The following NBAS variants were observed in gnomAD, a reference collection of about 807,000 sequenced individuals.
NBAS encodes NBAS subunit of NRZ tethering complex, also known as NAG/BC035112 fusion.
A neutral mutation model predicts 302.5 loss-of-function variants in NBAS; 219 were observed. That is an observed-to-expected ratio of 0.72 (90% CI 0.65 to 0.81). The LOEUF (loss-of-function observed/expected upper bound fraction) is 0.81. Ranked by LOEUF, NBAS falls within the 30% of genes least tolerant of loss-of-function variation. The pLI is 0.00. For missense variants in NBAS, 2,932 were observed against 2,841.6 expected, an observed-to-expected ratio of 1.03 and a Z score of -0.72; for synonymous variants, 1,118 against 1,021.6, an observed-to-expected ratio of 1.09 and a Z score of -1.80.
At chr2:15,160,879 G>A in the NBAS span, among the ~76,000 whole-genome samples, 1 of 152,194 alleles carries the variant, frequency 6.6e-6, no homozygotes, top group African/African-American at 2.4e-5. Context: ...GATGATAAAA[G>A]TTCTATTTCA....
At chr2:14,876,193 T>C in the NBAS span, among the ~76,000 whole-genome samples, 76 of 152,362 alleles carry the variant, frequency 5.0e-4, no homozygotes, top group Non-Finnish European at 6.0e-4. Flanking sequence ...TTCTACTTGG[T>C]CTTTGCCATA....
chr2:15,439,102 T>G (rs190355556), intron 21 of NBAS, among the ~76,000 whole-genome samples: 1,932 of 152,172 alleles, frequency 0.013, 32 homozygotes, highest in East Asian at 0.059. Context: ...GAGACCATCC[T>G]GGCTAACACG....
intron 51 of NBAS, among the ~76,000 whole-genome samples, chr2:15,169,830 T>C (rs1431585710): frequency 6.6e-6 from 1 of 152,234 alleles, no homozygotes; most frequent in African/African-American, 2.4e-5. Flanking sequence ...TTTCAGTCTG[T>C]GTGGCTGCCT....
the NBAS span, among the ~76,000 whole-genome samples, chr2:14,827,958 G>T: frequency 6.6e-6 from 1 of 152,222 alleles, no homozygotes; most frequent in East Asian, 1.9e-4. Context: ...ATAAAAAAAA[G>T]ACACTTTGAA....
chr2:15,165,126 A>G (rs571132671), downstream of NBAS, among the ~76,000 whole-genome samples: 11 of 152,346 alleles, frequency 7.2e-5, no homozygotes, highest in African/African-American at 2.6e-4. Context: ...ATTCTGTTAT[A>G]ACAGACTGTG....
Position 15,275,488 on chromosome 2 carries a change from G to C in NBAS, c.5720C>G (p.Thr1907Ser). 1 of 1,613,896 alleles carries C rather than the reference G, an allele frequency of 6.2e-7. No homozygotes were observed. Among genetic ancestry groups the C allele is most frequent in the South Asian group, 1.1e-5 (1 of 91,016 alleles). Residue 1907 changes from threonine to serine, a missense_variant, in exon 44 of 52, where the codon ACC becomes AGC. Thr to Ser is a moderately conservative substitution (Grantham distance 58). Coordinates refer to ENST00000281513, the MANE Select transcript of NBAS (RefSeq NM_015909.4). ...DAVTFSPKAV[T>S]KLSVEARKEM... is the part of the protein sequence containing the mutation. ...TTAAAATATCTTTTTGTTTACCTTG[G>C]TCACAGCTTTTGGAGAAAATGTAAC...
chr2:14,845,761 T>G, the NBAS span, among the ~76,000 whole-genome samples: 4 of 152,002 alleles, frequency 2.6e-5, no homozygotes, highest in Admixed American at 2.6e-4. Flanking sequence ...AACATACAAT[T>G]CACAGGCTGA....
intron 12 of NBAS, among the ~76,000 whole-genome samples, chr2:15,485,218 C>T (rs1334993963): frequency 6.6e-6 from 1 of 152,062 alleles, no homozygotes; most frequent in African/African-American, 2.4e-5. Flanking sequence ...ATCTGTATCA[C>T]ATCCACCGAG....
intron 44 of NBAS, among the ~76,000 whole-genome samples, chr2:15,259,844 C>A (rs543037593): frequency 2.0e-5 from 3 of 152,222 alleles, no homozygotes; most frequent in Non-Finnish European, 2.9e-5. Context: ...AAGTATTCTG[C>A]CTTTTTTGTT....
chr2:15,264,707 T>C lies in NBAS; in HGVS notation c.5724+10777A>G, dbSNP rs185969860. ...ACACGGGAGCAGTTATCTAACTTCC[T>C]TGGGACTTAAATTCTGTGTCTGTTA... On this transcript the variant is annotated intron_variant, in intron 44 of 51. Coordinates refer to ENST00000281513, the MANE Select transcript of NBAS (RefSeq NM_015909.4). 7.9e-5 allele frequency among the ~76,000 whole-genome samples: 12 copies of C among 152,268 alleles called. No homozygotes were observed. In the South Asian group the frequency reaches 1.5e-3, roughly 18 times the overall value.
chr2:14,848,854 C>T, the NBAS span, among the ~76,000 whole-genome samples: 1 of 151,222 alleles, frequency 6.6e-6, no homozygotes, highest in Non-Finnish European at 1.5e-5. Context: ...AACAGACCTG[C>T]AGCTGAGGGT....
intron 33 of NBAS, 130 bp from the exon 34 acceptor site, chr2:15,353,840 T>G: frequency 9.1e-7 from 1 of 1,099,958 alleles, no homozygotes; most frequent in Non-Finnish European, 1.4e-6. Context: ...AGTGACACAT[T>G]ATTTTATAAG....
At chr2:15,018,211 G>A in the NBAS span, among the ~76,000 whole-genome samples, 1 of 151,748 alleles carries the variant, frequency 6.6e-6, no homozygotes, top group Non-Finnish European at 1.5e-5. Flanking sequence ...GGAGAAATAA[G>A]TTCTAGTGTT....
Position 15,468,460 on chromosome 2 carries a change from T to G in NBAS, c.1799A>C (p.Lys600Thr). The G allele has an allele frequency of 6.2e-7, 1 of 1,614,098 alleles. No homozygotes were observed. Among genetic ancestry groups the G allele is most frequent in the South Asian group, 1.1e-5 (1 of 91,082 alleles). Reference protein sequence around the residue: ...ERVPENVDAAKELLQYGLKGT... With the variant: ...ERVPENVDAATELLQYGLKGT... ...TTTTAATCCATACTGAAGCAGTTCT[T>G]TTGCAGCATCCACATTTTCAGGAAC... The change falls in exon 17 of 52, where the codon AAA becomes ACA. Residue 600 changes from lysine (K) to threonine (T), a missense_variant. Transcript: ENST00000281513.
chr2:15,270,845 T>C lies in NBAS; in HGVS notation c.5724+4639A>G, dbSNP rs189094261. Reference sequence around the variant, plus strand: ...GGAAAATAATACCATATATGGCACATAGCAAATGCCTAAATACTTCATGAT... The same window carrying C: ...GGAAAATAATACCATATATGGCACACAGCAAATGCCTAAATACTTCATGAT... On this transcript the variant is annotated intron_variant, in intron 44 of 51. Coordinates refer to ENST00000281513, the MANE Select transcript of NBAS (RefSeq NM_015909.4). Among the ~76,000 whole-genome samples the C allele has an allele frequency of 3.6e-3, 547 of 152,334 alleles. 6 individuals are homozygous for C. The highest frequency in any genetic ancestry group is 0.012 in the African/African-American group (510 of 41,570).
intron 43 of NBAS, among the ~76,000 whole-genome samples, chr2:15,276,262 AG>A (rs1246195714): frequency 1.3e-5 from 2 of 152,180 alleles, no homozygotes; most frequent in Non-Finnish European, 2.9e-5. Context: ...TTGATTATTC[AG>A]AAAACAACTG....
the NBAS span, among the ~76,000 whole-genome samples, chr2:14,884,510 A>G: frequency 6.6e-6 from 1 of 152,056 alleles, no homozygotes; most frequent in African/African-American, 2.4e-5. Context: ...AAGGTTGCAA[A>G]CTCTGTTCTG....
chr2:15,376,501 A>G (rs756242293), intron 30 of NBAS, among the ~76,000 whole-genome samples: 3 of 152,224 alleles, frequency 2.0e-5, no homozygotes, highest in Non-Finnish European at 2.9e-5. Context: ...AGAATCGCTT[A>G]GGAGAAAAGA....
chr2:14,982,125 C>T, the NBAS span, among the ~76,000 whole-genome samples: 1 of 152,294 alleles, frequency 6.6e-6, no homozygotes, highest in East Asian at 1.9e-4. Context: ...AAGCTGCTGT[C>T]CTGTGAAAAG....
Sources: gnomAD v4.1 joint callset for allele counts (sites outside exome capture counted in the v4.1 genomes callset) on GRCh38, gnomAD v4.1.1 for gene constraint, MANE v1.5 for transcripts, NCBI Gene and HGNC (gene_info 2026-07-23, HGNC 2026-07-21) for gene names.